The following CPLX4 variants were observed in gnomAD, a reference collection of about 807,000 sequenced individuals.
CPLX4 encodes the protein complexin-4.
In CPLX4, 17 loss-of-function variants were observed where a neutral mutation model predicts 16.1. The ratio of observed to expected loss-of-function variants is 1.06; its 90% CI spans 0.72 to 1.59. The LOEUF (loss-of-function observed/expected upper bound fraction) is 1.59. Ranked by LOEUF, CPLX4 falls within the 40% of genes most tolerant of loss-of-function variation. The pLI is 0.00. For synonymous variants in CPLX4, 55 were observed against 57.8 expected (o/e 0.95, Z 0.22); for missense variants, 193 against 192.9 (o/e 1.00, Z 0.00).
intron 2 of CPLX4, among the ~76,000 whole-genome samples, chr18:59,298,067 T>C (rs993666914): frequency 3.9e-5 from 6 of 152,076 alleles, no homozygotes; most frequent in Admixed American, 2.6e-4. Context: ...TCTTAATGCA[T>C]GCTGCCTGGT....
At chr18:59,298,873 G>C (rs1014147006) in intron 2 of CPLX4, among the ~76,000 whole-genome samples, 6 of 152,204 alleles carry the variant, frequency 3.9e-5, no homozygotes, top group Non-Finnish European at 5.9e-5. Context: ...CTTTGATTCG[G>C]TTCCCTGGGC....
intron 2 of CPLX4, among the ~76,000 whole-genome samples, 163 bp downstream of exon 2, chr18:59,312,522 A>ATG (rs1224785205): frequency 6.8e-6 from 1 of 146,476 alleles, no homozygotes; most frequent in African/African-American, 2.5e-5. Flanking sequence ...TATCCTGAAT[A>ATG]TGTATATACA....
chr18:59,296,222 C>T lies in CPLX4; in HGVS notation c.*476G>A, dbSNP rs1432914605. 2 of 172,716 alleles carry T rather than the reference C, an allele frequency of 1.2e-5. No individual in the cohort carries two copies. The highest frequency in any genetic ancestry group is 2.4e-5 in the African/African-American group (1 of 41,496). 10.7% of individuals were successfully genotyped at this position (172,716 alleles called of 1,614,324 possible). On this transcript the variant is annotated 3_prime_UTR_variant, in exon 3 of 3. Transcript: ENST00000299721. The stretch of plus-strand genomic sequence containing the variant: ...AGAGGTGAGGGGTGGGGGTGGTGAC[C>T]TTTGATTGCCCTGGAGTCTGTAGAC...
chr18:59,301,348 G>A (rs2070540026), intron 2 of CPLX4, among the ~76,000 whole-genome samples: 1 of 152,230 alleles, frequency 6.6e-6, no homozygotes, highest in African/African-American at 2.4e-5. Flanking sequence ...TGGGCCCCAG[G>A]GCAGTGGCCT....
intron 2 of CPLX4, among the ~76,000 whole-genome samples, chr18:59,312,462 A>C (rs1315526042): frequency 1.4e-5 from 2 of 145,810 alleles, no homozygotes; most frequent in Non-Finnish European, 3.0e-5. Flanking sequence ...ATATCTCCTG[A>C]ATATATATAT....
Position 59,307,790 on chromosome 18 carries a change from C to T in CPLX4, c.255+4895G>A, listed in dbSNP as rs374172151. On this transcript the variant is annotated intron_variant, in intron 2 of 2. Coordinates refer to ENST00000299721, the MANE Select transcript of CPLX4 (RefSeq NM_181654.4). ...TTTTTGAAATGGAGTCTTGCTCTGT[C>T]GCCCAGGCTGGAGTGCAGTGGCCCA... Among the ~76,000 whole-genome samples the T allele has an allele frequency of 5.7e-4, 76 of 132,714 alleles. No homozygotes were observed. In the East Asian group the frequency reaches 0.017, roughly 29 times the overall value. 87.1% of individuals were successfully genotyped at this position (132,714 alleles called of 152,430 possible).
intron 2 of CPLX4, among the ~76,000 whole-genome samples, chr18:59,298,932 C>T (rs1156520950): frequency 6.6e-6 from 1 of 152,196 alleles, no homozygotes; most frequent in Non-Finnish European, 1.5e-5. Context: ...AAGCAGATTT[C>T]TGATGCAGCA....
chr18:59,307,257 C>A (rs559495936), intron 2 of CPLX4, among the ~76,000 whole-genome samples: 1 of 152,284 alleles, frequency 6.6e-6, no homozygotes, highest in Admixed American at 6.5e-5. Context: ...ATTGAGTGCA[C>A]ACATATGGTA....
intron 2 of CPLX4, among the ~76,000 whole-genome samples, chr18:59,310,351 G>A (rs1188729383): frequency 6.6e-6 from 1 of 152,130 alleles, no homozygotes; most frequent in Non-Finnish European, 1.5e-5. Flanking sequence ...GTTTCTGTTG[G>A]AAAGGCTCTT....
chr18:59,317,660 T>G (rs1163602986), intron 1 of CPLX4, among the ~76,000 whole-genome samples: 1 of 152,146 alleles, frequency 6.6e-6, no homozygotes, highest in African/African-American at 2.4e-5. Flanking sequence ...TGTAGCAAAC[T>G]GTAAGCTGTT....
At chr18:59,297,143 A>G (rs2070507556) in intron 2 of CPLX4, among the ~76,000 whole-genome samples, 1 of 152,074 alleles carries the variant, frequency 6.6e-6, no homozygotes, top group South Asian at 2.1e-4. Flanking sequence ...ACCTTCCAGC[A>G]TGGTGGTTCT....
chr18:59,303,664 G>A (rs143003590), intron 2 of CPLX4, among the ~76,000 whole-genome samples: 3 of 152,152 alleles, frequency 2.0e-5, no homozygotes, highest in African/African-American at 7.2e-5. Flanking sequence ...CTGTAAAGGC[G>A]AAGTGATATC....
In CPLX4 at chr18:59,318,507, G is replaced by GAAA. The variant is rs369143524; in HGVS notation, c.-48_-46dup. ...TAAAACCAAAATTCAGACAAAAGCTGAAAAAAAAAATCCAAACAAACCCAA... is the reference window on the plus strand; with the variant it reads ...TAAAACCAAAATTCAGACAAAAGCTGAAAAAAAAAAAAATCCAAACAAACCCAA... On this transcript the variant is annotated 5_prime_UTR_variant, in exon 1 of 3. Coordinates refer to ENST00000299721, the MANE Select transcript of CPLX4 (RefSeq NM_181654.4). 8.8e-6 allele frequency: 13 copies of GAAA among 1,479,282 alleles called. No homozygotes were observed. Among genetic ancestry groups the GAAA allele is most frequent in the Admixed American group, 4.5e-5 (2 of 44,738 alleles). 91.6% of individuals were successfully genotyped at this position (1,479,282 alleles called of 1,614,324 possible).
chr18:59,318,474 C>T lies in CPLX4; in HGVS notation c.-12G>A, dbSNP rs1392125025. 3.8e-6 allele frequency: 6 copies of T among 1,577,652 alleles called. No individual in the cohort carries two copies. Among genetic ancestry groups the T allele is most frequent in the Admixed American group, 2.0e-5 (1 of 51,266 alleles). ...ATAAGGAAAGCCATTTTCTCTGCCC[C>T]AGAAAAATAAAACCAAAATTCAGAC... On this transcript the variant is annotated 5_prime_UTR_variant, in exon 1 of 3. Transcript: ENST00000299721.
intron 2 of CPLX4, among the ~76,000 whole-genome samples, chr18:59,299,921 C>T (rs1038971511): frequency 3.3e-5 from 5 of 152,222 alleles, no homozygotes; most frequent in Admixed American, 2.0e-4. Flanking sequence ...GATTCTGGGG[C>T]TTGCTGAAGT....
At chr18:59,297,540 A>G (rs895819843) in intron 2 of CPLX4, among the ~76,000 whole-genome samples, 1 of 152,110 alleles carries the variant, frequency 6.6e-6, no homozygotes, top group Non-Finnish European at 1.5e-5. Flanking sequence ...CCGGCCTCCC[A>G]AAGTGCTGAA....
intron 1 of CPLX4, among the ~76,000 whole-genome samples, chr18:59,315,120 C>G (rs182941230): frequency 2.6e-5 from 4 of 152,308 alleles, no homozygotes; most frequent in Admixed American, 2.6e-4. Flanking sequence ...AATGGTCATA[C>G]TAGTTTATGC....
chr18:59,300,275 A>G (rs543342044), intron 2 of CPLX4, among the ~76,000 whole-genome samples: 2 of 152,304 alleles, frequency 1.3e-5, no homozygotes, highest in South Asian at 4.1e-4. Context: ...AGAGGTTGCC[A>G]TAAGCCAAGA....
intron 2 of CPLX4, among the ~76,000 whole-genome samples, chr18:59,311,263 A>G (rs1345748979): frequency 6.6e-6 from 1 of 152,204 alleles, no homozygotes; most frequent in African/African-American, 2.4e-5. Flanking sequence ...GGCTGGGGGT[A>G]GGAAAAGCAA....
Sources: gnomAD v4.1 joint callset for allele counts (sites outside exome capture counted in the v4.1 genomes callset) on GRCh38, gnomAD v4.1.1 for gene constraint, MANE v1.5 for transcripts, NCBI Gene and HGNC (gene_info 2026-07-23, HGNC 2026-07-21) for gene names.